Variants in ZNF317 observed in about 807,000 individuals in gnomAD.
ZNF317 encodes zinc finger protein 317.
In ZNF317, 17 loss-of-function variants were observed where a neutral mutation model predicts 23.4. The ratio of observed to expected loss-of-function variants is 0.73; its 90% CI spans 0.50 to 1.09. The LOEUF (loss-of-function observed/expected upper bound fraction) is 1.09, where lower values mean the gene tolerates loss of function less well. Among genes scored for constraint, ZNF317 ranks in the 50% least tolerant of loss-of-function variants. The pLI is 0.00. For missense variants in ZNF317, 679 were observed against 796.7 expected, an observed-to-expected ratio of 0.85 and a Z score of 1.78; for synonymous variants, 317 against 314.9, an observed-to-expected ratio of 1.01 and a Z score of -0.07.
At chr19:9,152,321 C>G (rs553687102) in intron 1 of ZNF317, among the ~76,000 whole-genome samples, 9 of 152,166 alleles carry the variant, frequency 5.9e-5, no homozygotes, top group Non-Finnish European at 5.9e-5. Flanking sequence ...GAATTTGATA[C>G]ATCTAGAGCA....
chr19:9,142,749 A>G (rs1568309873), intron 1 of ZNF317, among the ~76,000 whole-genome samples: 1 of 152,100 alleles, frequency 6.6e-6, no homozygotes, highest in Non-Finnish European at 1.5e-5. Context: ...AATTAAACCA[A>G]TTGATTTTCT....
intron 4 of ZNF317, chr19:9,157,746 C>A: frequency 1.8e-6 from 2 of 1,105,098 alleles, no homozygotes; most frequent in Non-Finnish European, 2.3e-6. Context: ...CCAGACTGAT[C>A]TTGAACTCCT....
At chr19:9,149,147 A>G (rs2050713983) in intron 1 of ZNF317, among the ~76,000 whole-genome samples, 2 of 152,198 alleles carry the variant, frequency 1.3e-5, no homozygotes, top group Admixed American at 1.3e-4. Context: ...TCTTACACAG[A>G]ACATTACTTG....
At position 9,154,228 on chromosome 19, in the gene ZNF317, T is replaced by TC. The variant is rs540881461; in HGVS notation, c.-92-1696dup. ...GAAGGTAAGAAAGCCTCATTTTTTT[T>TC]CTTTCTTTTAAGCAGGGTTTAATAT... is the stretch of plus-strand genomic sequence containing the variant. On this transcript the variant is annotated intron_variant, in intron 1 of 6. Transcript: ENST00000247956. Among the ~76,000 whole-genome samples the TC allele has an allele frequency of 4.8e-3, 730 of 152,284 alleles. 9 individuals carry two copies. The highest frequency in any genetic ancestry group is 0.027 in the Middle Eastern group (8 of 294).
At chr19:9,157,700 T>TA in intron 4 of ZNF317, 1 of 557,656 alleles carries the variant, frequency 1.8e-6, no homozygotes, top group Non-Finnish European at 2.4e-6. Context: ...TTTTTTTTTT[T>TA]TTATTTTTGG....
Position 9,161,981 on chromosome 19 carries a change from C to G in ZNF317, c.*548C>G, listed in dbSNP as rs1246411232. On this transcript the variant is annotated 3_prime_UTR_variant, in exon 7 of 7. Coordinates refer to ENST00000247956, the MANE Select transcript of ZNF317 (RefSeq NM_020933.5). This position sits in a 1 kb window ranked among gnomAD's most constrained non-coding sequence, Gnocchi z 4.0. ...TGTCTTTGTATGGCTTGCCAGCTAA[C>G]AATAGTGGTTCCATCTTTAAGGAAG... 1.3e-5 allele frequency: 2 copies of G among 152,692 alleles called. No individual in the cohort carries two copies. The highest frequency in any genetic ancestry group is 2.9e-5 in the Non-Finnish European group (2 of 68,488). The allele number at this position is 152,692 out of a possible 1,614,324, so 9.5% of individuals were successfully genotyped here.
At position 9,160,328 on chromosome 19, in the gene ZNF317, A is replaced by C. The variant is rs1264695212; in HGVS notation, c.683A>C (p.Gln228Pro). 6.2e-7 allele frequency: 1 copy of C among 1,614,194 alleles called. No homozygotes were observed. The highest frequency in any genetic ancestry group is 1.7e-5 in the Admixed American group (1 of 60,026). ...GRKMHECHQC[Q>P]KAFTTSASLT... The stretch of plus-strand genomic sequence containing the variant: ...AAAATGCATGAATGTCATCAGTGCC[A>C]AAAAGCCTTCACCACGAGCGCGTCC... The change falls in exon 7 of 7, where the codon CAA becomes CCA. Residue 228 changes from glutamine (Q) to proline (P), a missense_variant. Gln to Pro is a moderately conservative substitution (Grantham distance 76). Transcript: ENST00000247956. The surrounding 1 kb of genome is among the most constrained non-coding windows in gnomAD (Gnocchi z 6.8).
chr19:9,157,153 G>A lies in ZNF317; in HGVS notation c.163-115G>A, dbSNP rs2050792474. ...GAGGAAATGTTGAGCCCCGTAGCAG[G>A]CCATCTGGAAATCCTGTGTTGGGTC... On this transcript the variant is annotated intron_variant, in intron 3 of 6. Coordinates refer to ENST00000247956, the MANE Select transcript of ZNF317 (RefSeq NM_020933.5). 6.8e-6 allele frequency: 9 copies of A among 1,329,152 alleles called. No homozygotes were observed. In the East Asian group the frequency reaches 2.1e-4, roughly 31 times the overall value. 82.3% of individuals were successfully genotyped at this position (1,329,152 alleles called of 1,614,324 possible).
intron 1 of ZNF317, among the ~76,000 whole-genome samples, chr19:9,146,255 T>G (rs971530133): frequency 2.0e-5 from 3 of 151,910 alleles, no homozygotes; most frequent in Non-Finnish European, 2.9e-5. Flanking sequence ...ATTCCTACCC[T>G]GCTCCCCACC....
Position 9,161,001 on chromosome 19 carries a change from G to C in ZNF317, c.1356G>C (p.Gly452=). Residue 452 remains glycine, a synonymous_variant, in exon 7 of 7, where the codon GGG becomes GGC. Coordinates refer to ENST00000247956, the MANE Select transcript of ZNF317 (RefSeq NM_020933.5). The surrounding 1 kb of genome is among the most constrained non-coding windows in gnomAD (Gnocchi z 4.0). The stretch of plus-strand genomic sequence containing the variant: ...AACCATACGGGTGCGATCTCTGCGG[G>C]AAAGCTTTCAGCGCGAGTTCAAACC... ...GEKPYGCDLC[G]KAFSASSNLT... 6.2e-7 allele frequency: 1 copy of C among 1,614,206 alleles called. No individual in the cohort carries two copies. The highest frequency in any genetic ancestry group is 8.5e-7 in the Non-Finnish European group (1 of 1,180,040).
chr19:9,156,861 G>A (rs2050789434), intron 3 of ZNF317, 113 bp downstream of exon 3: 1 of 1,325,252 alleles, frequency 7.5e-7, no homozygotes, highest in Non-Finnish European at 1.0e-6. Context: ...TGCCAGAACA[G>A]GGCCCAAGAG....
At position 9,160,751 on chromosome 19, in the gene ZNF317, A is replaced by G. The variant is rs1381883771; in HGVS notation, c.1106A>G (p.Lys369Arg). 6.2e-6 allele frequency: 10 copies of G among 1,614,000 alleles called. No individual in the cohort carries two copies. Among genetic ancestry groups the G allele is most frequent in the East Asian group, 2.2e-5 (1 of 44,872 alleles). The change falls in exon 7 of 7, where the codon AAA (lysine) becomes AGA (arginine). Residue 369 changes from lysine (K) to arginine (R), a missense_variant. Transcript: ENST00000247956. The surrounding 1 kb of genome is among the most constrained non-coding windows in gnomAD (Gnocchi z 6.8). ...EKPYACTQCGKAFRWKSNFNL... is the reference protein window; with the variant it reads ...EKPYACTQCGRAFRWKSNFNL... ...CCCTACGCGTGCACGCAGTGCGGCA[A>G]AGCCTTCCGCTGGAAGTCCAACTTT...
chr19:9,147,672 G>A (rs1304028003), intron 1 of ZNF317, among the ~76,000 whole-genome samples: 6 of 152,178 alleles, frequency 3.9e-5, no homozygotes, highest in East Asian at 3.9e-4. Context: ...TGTAGAAACG[G>A]GGCAGAACGT....
intron 6 of ZNF317, 131 bp from the exon 7 acceptor site, chr19:9,159,983 C>G: frequency 2.9e-6 from 4 of 1,359,232 alleles, no homozygotes; most frequent in Non-Finnish European, 4.0e-6. Context: ...CACGTTTGCA[C>G]GGCAGATGGT....
At position 9,162,385 on chromosome 19, in the gene ZNF317, C is replaced by T. The variant is rs889348711; in HGVS notation, c.*952C>T. The stretch of plus-strand genomic sequence containing the variant: ...TTTTTATGAATCTTGTGAGCACTTA[C>T]GCTAGGAGAAATTTCTTTTACAAAA... On this transcript the variant is annotated 3_prime_UTR_variant, in exon 7 of 7. Transcript: ENST00000247956. 1 of 151,980 alleles carries T rather than the reference C, an allele frequency of 6.6e-6. No homozygotes were observed. The highest frequency in any genetic ancestry group is 2.4e-5 in the African/African-American group (1 of 41,352). 9.4% of individuals were successfully genotyped at this position (151,980 alleles called of 1,614,324 possible).
chr19:9,148,136 T>A lies in ZNF317; in HGVS notation c.-93+7544T>A, dbSNP rs546115068. On this transcript the variant is annotated intron_variant, in intron 1 of 6. Transcript: ENST00000247956. Reference sequence around the variant, plus strand: ...CCCCAGAAGCAGATAGCACTGTGCTTCCTGTAGAGCCTACAGAACTGTGAG... The same window carrying A: ...CCCCAGAAGCAGATAGCACTGTGCTACCTGTAGAGCCTACAGAACTGTGAG... Among the ~76,000 whole-genome samples the A allele has an allele frequency of 3.3e-5, 5 of 152,302 alleles. No homozygotes were observed. The East Asian group carries it at 9.7e-4, about 29-fold the overall frequency.
chr19:9,161,181 G>A lies in ZNF317; in HGVS notation c.1536G>A (p.Arg512=). ...VECRQCGKAF[R]NQSTLKTHMR... is the part of the protein sequence containing the mutation. ...GTAGGCAGTGTGGCAAGGCCTTCAG[G>A]AACCAGTCAACGCTGAAGACGCACA... The change falls in exon 7 of 7, where the codon AGG becomes AGA. Residue 512 remains arginine, a synonymous_variant. Transcript: ENST00000247956. The surrounding 1 kb of genome is among the most constrained non-coding windows in gnomAD (Gnocchi z 4.0). The A allele has an allele frequency of 1.2e-6, 2 of 1,614,174 alleles. No individual in the cohort carries two copies. Among genetic ancestry groups the A allele is most frequent in the Non-Finnish European group, 1.7e-6 (2 of 1,180,040 alleles).
intron 1 of ZNF317, among the ~76,000 whole-genome samples, chr19:9,152,565 T>G (rs2050745184): frequency 6.6e-6 from 1 of 152,194 alleles, no homozygotes; most frequent in Non-Finnish European, 1.5e-5. Flanking sequence ...GGATCTAGAT[T>G]GCACACTCCT....
chr19:9,148,947 C>T (rs2050712236), intron 1 of ZNF317, among the ~76,000 whole-genome samples: 1 of 152,168 alleles, frequency 6.6e-6, no homozygotes, highest in Admixed American at 6.6e-5. Flanking sequence ...CAGCTTCCTG[C>T]TCATCATCTA....
Sources: gnomAD v4.1 joint callset for allele counts (sites outside exome capture counted in the v4.1 genomes callset) on GRCh38, gnomAD v4.1.1 for gene constraint, Gnocchi (gnomAD v3.1) non-coding constraint, MANE v1.5 for transcripts, NCBI Gene and HGNC (gene_info 2026-07-23, HGNC 2026-07-21) for gene names.